The following MAGI3 variants were observed in gnomAD, a reference collection of about 807,000 sequenced individuals.
MAGI3 encodes the protein membrane-associated guanylate kinase, WW and PDZ domain-containing protein 3.
Under a neutral mutation model 121.8 loss-of-function variants are expected in MAGI3, and 43 were observed. The observed-to-expected ratio is 0.35, with a 90% CI of 0.28 to 0.46. The LOEUF is 0.46. Among genes scored for constraint, MAGI3 ranks in the 20% least tolerant of loss-of-function variants. The pLI is 1.00. For missense variants in MAGI3, 1,547 were observed against 1,797.3 expected, an observed-to-expected ratio of 0.86 and a Z score of 2.52; for synonymous variants, 553 against 639.3, an observed-to-expected ratio of 0.86 and a Z score of 2.04.
At chr1:113,665,164 T>TATGTAGTTTTAGGAGGG (rs1653969967) in intron 16 of MAGI3, among the ~76,000 whole-genome samples, 1 of 152,138 alleles carries the variant, frequency 6.6e-6, no homozygotes, top group Non-Finnish European at 1.5e-5. Flanking sequence ...CCTACCTTTG[T>TATGTAGTTTTAGGAGGG]ATGTAGTTTT....
chr1:113,495,518 C>A (rs1656878553), intron 1 of MAGI3, among the ~76,000 whole-genome samples: 1 of 152,014 alleles, frequency 6.6e-6, no homozygotes, highest in Non-Finnish European at 1.5e-5. Context: ...CCTCTTCCAC[C>A]CTTTCCCCCG....
chr1:113,412,718 T>A (rs899377946), intron 1 of MAGI3, among the ~76,000 whole-genome samples: 8 of 145,488 alleles, frequency 5.5e-5, no homozygotes, highest in African/African-American at 2.4e-5. Context: ...TTTGGTGGGG[T>A]TTTTGTTTGT....
chr1:113,561,034 T>G (rs1260174631), intron 2 of MAGI3, among the ~76,000 whole-genome samples: 2 of 152,200 alleles, frequency 1.3e-5, no homozygotes, highest in African/African-American at 4.8e-5. Context: ...GATAAATTCC[T>G]GGACATATAC....
At position 113,390,910 on chromosome 1, in the gene MAGI3, C is replaced by T. The variant is rs1275993526; in HGVS notation, c.-124C>T. ...CGGGCTGTGGTCGCGGGGTGGGGGCCGGAGCGGCGAGGCCCCCCTTACCGG... is the reference window on the plus strand; with the variant it reads ...CGGGCTGTGGTCGCGGGGTGGGGGCTGGAGCGGCGAGGCCCCCCTTACCGG... On this transcript the variant is annotated 5_prime_UTR_variant, in exon 1 of 21. Coordinates refer to ENST00000307546, the MANE Select transcript of MAGI3 (RefSeq NM_001142782.2). The T allele has an allele frequency of 1.9e-5, 12 of 634,462 alleles. No homozygotes were observed. The highest frequency in any genetic ancestry group is 7.8e-5 in the South Asian group (1 of 12,834). 39.3% of individuals were successfully genotyped at this position (634,462 alleles called of 1,614,324 possible).
At chr1:113,576,744 A>C (rs1009188740) in intron 2 of MAGI3, 3 of 152,236 alleles carry the variant, frequency 2.0e-5, no homozygotes, top group Non-Finnish European at 4.4e-5. Flanking sequence ...AATCTCATAA[A>C]GCAATTGCTT....
chr1:113,391,047 T>TGAA lies in MAGI3; in HGVS notation c.25_27dup (p.Lys9dup), dbSNP rs773961087. 1 of 1,588,236 alleles carries TGAA rather than the reference T, an allele frequency of 6.3e-7. No individual in the cohort carries two copies. Among genetic ancestry groups the TGAA allele is most frequent in the South Asian group, 1.1e-5 (1 of 87,554 alleles). ...GCGGGGTTCGGGATGTCGAAGACGC[T>TGAA]GAAGAAGAAGAAGCACTGGCTCAGC... On this transcript the variant is annotated inframe_insertion, in exon 1 of 21. Transcript: ENST00000307546. This position sits in a 1 kb window ranked among gnomAD's most constrained non-coding sequence, Gnocchi z 4.4.
At chr1:113,543,954 A>G (rs1260360060) in intron 1 of MAGI3, among the ~76,000 whole-genome samples, 1 of 152,206 alleles carries the variant, frequency 6.6e-6, no homozygotes, top group African/African-American at 2.4e-5. Flanking sequence ...CTAAATCAAT[A>G]AAAATAAACC....
At chr1:113,608,607 G>C (rs1649935988) in intron 6 of MAGI3, among the ~76,000 whole-genome samples, 2 of 152,188 alleles carry the variant, frequency 1.3e-5, no homozygotes, top group African/African-American at 4.8e-5. Context: ...CTGCAGGCAG[G>C]CTGTTAACCA....
chr1:113,461,920 A>G (rs1655055919), intron 1 of MAGI3, among the ~76,000 whole-genome samples: 1 of 152,222 alleles, frequency 6.6e-6, no homozygotes, highest in Non-Finnish European at 1.5e-5. Flanking sequence ...ATGAACAGAC[A>G]CTTCCCAAAA....
intron 9 of MAGI3, among the ~76,000 whole-genome samples, chr1:113,624,563 A>AT (rs58826661): frequency 6.6e-4 from 101 of 152,106 alleles, no homozygotes; most frequent in African/African-American, 2.4e-3. Context: ...AGATTATTAG[A>AT]TTTTTCCTAT....
intron 1 of MAGI3, among the ~76,000 whole-genome samples, chr1:113,402,612 T>G (rs909523654): frequency 1.3e-5 from 2 of 152,130 alleles, no homozygotes; most frequent in Admixed American, 1.3e-4. Context: ...TCAGCTGTGC[T>G]TTTATTTTTT....
At chr1:113,640,660 G>A (rs1277536935) in intron 9 of MAGI3, among the ~76,000 whole-genome samples, 1 of 151,778 alleles carries the variant, frequency 6.6e-6, no homozygotes, top group African/African-American at 2.4e-5. Flanking sequence ...GTTCTTATAA[G>A]TGGGAGTTGA....
intron 1 of MAGI3, among the ~76,000 whole-genome samples, chr1:113,488,924 CTG>C (rs972649487): frequency 6.6e-6 from 1 of 152,154 alleles, no homozygotes; most frequent in African/African-American, 2.4e-5. Flanking sequence ...TCTAGCATGA[CTG>C]TGCGCACAGT....
chr1:113,638,312 T>C (rs1437339031), intron 9 of MAGI3, among the ~76,000 whole-genome samples: 1 of 152,232 alleles, frequency 6.6e-6, no homozygotes, highest in African/African-American at 2.4e-5. Context: ...CGCTCTGCTT[T>C]TTAGAGTTTC....
chr1:113,677,073 T>C (rs1647914768), intron 19 of MAGI3, among the ~76,000 whole-genome samples: 1 of 152,130 alleles, frequency 6.6e-6, no homozygotes, highest in South Asian at 2.1e-4. Flanking sequence ...ATTTGTAACA[T>C]AGATGGAAGG....
In MAGI3 at chr1:113,390,870, C is replaced by A; in HGVS notation, c.-164C>A. 2.9e-6 allele frequency: 1 copy of A among 346,896 alleles called. No homozygotes were observed. Among genetic ancestry groups the A allele is most frequent in the Non-Finnish European group, 4.8e-6 (1 of 210,410 alleles). 21.5% of individuals were successfully genotyped at this position (346,896 alleles called of 1,614,324 possible). On this transcript the variant is annotated 5_prime_UTR_variant, in exon 1 of 21. Coordinates refer to ENST00000307546, the MANE Select transcript of MAGI3 (RefSeq NM_001142782.2). ...CCAAGGGGCGTCTCGCGTCTGGGAA[C>A]GGCCGGGCCCCCAGCGGGCTGTGGT...
intron 1 of MAGI3, among the ~76,000 whole-genome samples, chr1:113,506,823 G>T (rs1437239165): frequency 1.3e-5 from 2 of 152,160 alleles, no homozygotes; most frequent in East Asian, 3.8e-4. Flanking sequence ...GGCATGAATG[G>T]CATGCAGGGG....
intron 1 of MAGI3, among the ~76,000 whole-genome samples, chr1:113,464,246 G>A (rs759313476): frequency 6.6e-6 from 1 of 151,966 alleles, no homozygotes; most frequent in African/African-American, 2.4e-5. Context: ...GTGAGAACAA[G>A]CAATATTTGT....
intron 1 of MAGI3, among the ~76,000 whole-genome samples, chr1:113,444,929 T>G (rs1557760773): frequency 6.6e-6 from 1 of 151,914 alleles, no homozygotes; most frequent in Non-Finnish European, 1.5e-5. Flanking sequence ...AAAAAGAAAT[T>G]CTGGAGCTAG....
Sources: allele counts gnomAD v4.1 joint callset (sites outside exome capture counted in the v4.1 genomes callset), GRCh38; gene constraint gnomAD v4.1.1; non-coding constraint Gnocchi (gnomAD v3.1); transcripts MANE v1.5; gene names NCBI Gene and HGNC (gene_info 2026-07-23, HGNC 2026-07-21).